Variants in BTG1 observed in about 807,000 individuals in gnomAD.
The protein encoded by BTG1 is BTG anti-proliferation factor 1.
BTG1 carries 2 observed loss-of-function variants against 15.2 expected under a neutral mutation model. That is an observed-to-expected ratio of 0.13 (90% CI 0.05 to 0.41). BTG1 has a LOEUF of 0.41. BTG1 is among the 10% of genes least tolerant of loss of function. The pLI is 0.99. For synonymous variants in BTG1, 109 were observed against 82.4 expected (o/e 1.32, Z -1.75); for missense variants, 149 against 215.0 (o/e 0.69, Z 1.92).
At position 92,144,001 on chromosome 12, in the gene BTG1, C is replaced by T. The variant is rs1870420584; in HGVS notation, c.*79G>A. 7.1e-6 allele frequency: 11 copies of T among 1,539,480 alleles called. No homozygotes were observed. The highest frequency in any genetic ancestry group is 9.7e-6 in the Non-Finnish European group (11 of 1,134,822). ...TGTGACATGGTTTAAATTCCATAATCCATCCCCAAGAGGAGCCCACCCAAA... is the reference window on the plus strand; with the variant it reads ...TGTGACATGGTTTAAATTCCATAATTCATCCCCAAGAGGAGCCCACCCAAA... On this transcript the variant is annotated 3_prime_UTR_variant, in exon 2 of 2. Coordinates refer to ENST00000256015, the MANE Select transcript of BTG1 (RefSeq NM_001731.3).
rs189424888 is a variant in BTG1, at chr12:92,143,904, T to C, written c.*176A>G. 50 of 670,360 alleles carry C rather than the reference T, an allele frequency of 7.5e-5. No individual in the cohort carries two copies. In the East Asian group the frequency reaches 1.4e-3, roughly 19 times the overall value. The allele number at this position is 670,360 out of a possible 1,614,324, so 41.5% of individuals were successfully genotyped here. A position where few individuals can be genotyped will look rare whatever the true frequency, so the allele number is the denominator to read the frequency against. ...TAAAATTAATCATTGAAAGGTACTGTCCAAACTATGGCACTGTCACTTAAA... is the reference window on the plus strand; with the variant it reads ...TAAAATTAATCATTGAAAGGTACTGCCCAAACTATGGCACTGTCACTTAAA... On this transcript the variant is annotated 3_prime_UTR_variant, in exon 2 of 2. Coordinates refer to ENST00000256015, the MANE Select transcript of BTG1 (RefSeq NM_001731.3).
chr12:92,145,674 G>GTCTT lies in BTG1; in HGVS notation c.-143_-140dup, dbSNP rs977023552. The GTCTT allele has an allele frequency of 3.9e-6, 2 of 512,066 alleles. No individual in the cohort carries two copies. The highest frequency in any genetic ancestry group is 3.8e-5 in the East Asian group (1 of 26,570). The allele number at this position is 512,066 out of a possible 1,614,324, so 31.7% of individuals were successfully genotyped here. On this transcript the variant is annotated 5_prime_UTR_variant, in exon 1 of 2. It removes the in-frame stop codon of an upstream open reading frame in the 5' UTR. Transcript: ENST00000256015. Reference sequence around the variant, plus strand: ...GCGTGAGGGGCGGACGACTACTTTTGTCTTTCTTTCTTTAGACTAAAAAAG... The same window carrying GTCTT: ...GCGTGAGGGGCGGACGACTACTTTTGTCTTTCTTTCTTTCTTTAGACTAAAAAAG...
At chr12:92,144,631 A>C (rs1327157087) in intron 1 of BTG1, among the ~76,000 whole-genome samples, 184 bp from the exon 2 acceptor site, 1 of 152,200 alleles carries the variant, frequency 6.6e-6, no homozygotes, top group Admixed American at 6.5e-5. Context: ...TTTTAGAAAT[A>C]ACACAGTAGT....
At chr12:92,144,547 A>C in intron 1 of BTG1, 100 bp from the exon 2 acceptor site, 2 of 1,478,486 alleles carry the variant, frequency 1.4e-6, no homozygotes, top group Non-Finnish European at 9.2e-7. Flanking sequence ...GAAAATGAAA[A>C]CTATCAACTT....
At position 92,140,791 on chromosome 12, in the gene BTG1, A is replaced by T. The variant is rs908231411; in HGVS notation, c.*3289T>A. 8.6e-6 allele frequency: 2 copies of T among 232,372 alleles called. No homozygotes were observed. Among genetic ancestry groups the T allele is most frequent in the Non-Finnish European group, 1.7e-5 (2 of 117,594 alleles). 14.4% of individuals were successfully genotyped at this position (232,372 alleles called of 1,614,324 possible). A position where few individuals can be genotyped will look rare whatever the true frequency, so the allele number is the denominator to read the frequency against. ...TCTGTATACCTTCAGATAAATAAGA[A>T]ATCTATTCAGTTTTAGACAATCCAA... On this transcript the variant is annotated 3_prime_UTR_variant, in exon 2 of 2. Transcript: ENST00000256015.
Position 92,143,121 on chromosome 12 carries a change from T to C in BTG1, c.*959A>G, listed in dbSNP as rs759887561. On this transcript the variant is annotated 3_prime_UTR_variant, in exon 2 of 2. Transcript: ENST00000256015. ...AAACCTCTATAATCATGACAAGAGATTGATTAAAATGCCAAGATAAGAAAC... is the reference window on the plus strand; with the variant it reads ...AAACCTCTATAATCATGACAAGAGACTGATTAAAATGCCAAGATAAGAAAC... 4.3e-5 allele frequency: 10 copies of C among 232,690 alleles called. No homozygotes were observed. Among genetic ancestry groups the C allele is most frequent in the Admixed American group, 1.1e-4 (2 of 17,780 alleles). 14.4% of individuals were successfully genotyped at this position (232,690 alleles called of 1,614,324 possible).
rs1870131900 is a variant in BTG1, at chr12:92,140,462, T to A, written c.*3618A>T. 1 of 227,346 alleles carries A rather than the reference T, an allele frequency of 4.4e-6. No homozygotes were observed. The highest frequency in any genetic ancestry group is 8.7e-6 in the Non-Finnish European group (1 of 114,590). 14.1% of individuals were successfully genotyped at this position (227,346 alleles called of 1,614,324 possible). A position where few individuals can be genotyped will look rare whatever the true frequency, so the allele number is the denominator to read the frequency against. ...TACTTGTTTAGGAGCATTTCAAAAA[T>A]ATAACACTTAACATCAGAAGAAAAT... is the stretch of plus-strand genomic sequence containing the variant. On this transcript the variant is annotated 3_prime_UTR_variant, in exon 2 of 2. Coordinates refer to ENST00000256015, the MANE Select transcript of BTG1 (RefSeq NM_001731.3).
At position 92,144,113 on chromosome 12, in the gene BTG1, G is replaced by C; in HGVS notation, c.483C>G (p.Ser161=). 6.2e-7 allele frequency: 1 copy of C among 1,613,090 alleles called. No individual in the cohort carries two copies. Among genetic ancestry groups the C allele is most frequent in the East Asian group, 2.2e-5 (1 of 44,886 alleles). Residue 161 remains serine (S), a synonymous_variant, in exon 2 of 2, where the codon TCC becomes TCG. Transcript: ENST00000256015. ...ATACAGTCATCATATTGTAGTTTTT[G>C]GAAGGGCTCGTTCTGCCCAAGAGAA... The part of the protein sequence containing the change: ...EELLLGRTSP[S]KNYNMMTVSG
At position 92,145,189 on chromosome 12, in the gene BTG1, G is replaced by A. The variant is rs554122404; in HGVS notation, c.148+199C>T. Reference sequence around the variant, plus strand: ...TCTCCGTTTTGCCAGCTGGGGGGAAGGGGGCGCCCTCCGTCCAGCCCCTAA... The same window carrying A: ...TCTCCGTTTTGCCAGCTGGGGGGAAAGGGGCGCCCTCCGTCCAGCCCCTAA... On this transcript the variant is annotated intron_variant, in intron 1 of 1. Coordinates refer to ENST00000256015, the MANE Select transcript of BTG1 (RefSeq NM_001731.3). 1.3e-4 allele frequency: 98 copies of A among 733,058 alleles called. 5 individuals carry two copies. In the South Asian group the frequency reaches 3.5e-3, roughly 26 times the overall value. The allele number at this position is 733,058 out of a possible 1,614,324, so 45.4% of individuals were successfully genotyped here. A position where few individuals can be genotyped will look rare whatever the true frequency, so the allele number is the denominator to read the frequency against.
At position 92,145,631 on chromosome 12, in the gene BTG1, G is replaced by T; in HGVS notation, c.-96C>A. The T allele has an allele frequency of 2.2e-6, 2 of 901,390 alleles. No individual in the cohort carries two copies. Among genetic ancestry groups the T allele is most frequent in the African/African-American group, 1.8e-5 (1 of 56,580 alleles). 55.8% of individuals were successfully genotyped at this position (901,390 alleles called of 1,614,324 possible). A position where few individuals can be genotyped will look rare whatever the true frequency, so the allele number is the denominator to read the frequency against. ...CCCCGGGCTTCCTCACCGGGCGGAAGGCTGAGAGGAAGAGAGGGCGTGAGG... is the reference window on the plus strand; with the variant it reads ...CCCCGGGCTTCCTCACCGGGCGGAATGCTGAGAGGAAGAGAGGGCGTGAGG... On this transcript the variant is annotated 5_prime_UTR_variant, in exon 1 of 2. Coordinates refer to ENST00000256015, the MANE Select transcript of BTG1 (RefSeq NM_001731.3).
rs1191746127 is a variant in BTG1, at chr12:92,145,828, T to C, written c.-293A>G. Reference sequence around the variant, plus strand: ...GCATTCGAAGATCTCAATAGCTGCATTTCCAGCTCCGAGAGGCGAAGAGAT... The same window carrying C: ...GCATTCGAAGATCTCAATAGCTGCACTTCCAGCTCCGAGAGGCGAAGAGAT... On this transcript the variant is annotated 5_prime_UTR_variant, in exon 1 of 2. An upstream start codon of the reference 5' UTR is lost. Transcript: ENST00000256015. 4.1e-6 allele frequency: 1 copy of C among 242,456 alleles called. No individual in the cohort carries two copies. Among genetic ancestry groups the C allele is most frequent in the Non-Finnish European group, 8.0e-6 (1 of 125,304 alleles). 15.0% of individuals were successfully genotyped at this position (242,456 alleles called of 1,614,324 possible).
At position 92,142,945 on chromosome 12, in the gene BTG1, T is replaced by C. The variant is rs1870345370; in HGVS notation, c.*1135A>G. ...GTCCATGTTTTGACTTTAGAAATTT[T>C]TAAAACATGCTACTCCTGTGTTTCC... On this transcript the variant is annotated 3_prime_UTR_variant, in exon 2 of 2. Coordinates refer to ENST00000256015, the MANE Select transcript of BTG1 (RefSeq NM_001731.3). 8.6e-6 allele frequency: 2 copies of C among 233,090 alleles called. No individual in the cohort carries two copies. Among genetic ancestry groups the C allele is most frequent in the East Asian group, 1.2e-4 (2 of 16,520 alleles). The allele number at this position is 233,090 out of a possible 1,614,324, so 14.4% of individuals were successfully genotyped here. A position where few individuals can be genotyped will look rare whatever the true frequency, so the allele number is the denominator to read the frequency against.
Position 92,141,449 on chromosome 12 carries a change from A to G in BTG1, c.*2631T>C, listed in dbSNP as rs980098983. On this transcript the variant is annotated 3_prime_UTR_variant, in exon 2 of 2. Coordinates refer to ENST00000256015, the MANE Select transcript of BTG1 (RefSeq NM_001731.3). ...GCACTACTTAAATTTGGAAAAAAGG[A>G]AATAATTTCAAAACTACCTGTTAAA... The G allele has an allele frequency of 5.6e-5, 13 of 231,992 alleles. No homozygotes were observed. The highest frequency in any genetic ancestry group is 1.3e-3 in the Middle Eastern group (1 of 778). 14.4% of individuals were successfully genotyped at this position (231,992 alleles called of 1,614,324 possible). A position where few individuals can be genotyped will look rare whatever the true frequency, so the allele number is the denominator to read the frequency against.
rs748548933 is a variant in BTG1 at position 92,142,896 on chromosome 12, ATGAGATCATTAGCC to A, written c.*1170_*1183del. ...TACCGTGGTCTCTTATCCTTATTTC[ATGAGATCATTAGCC>A]TGTGAATGTGTCCATGTTTTGACTT... On this transcript the variant is annotated 3_prime_UTR_variant, in exon 2 of 2. Transcript: ENST00000256015. 4.1e-4 allele frequency: 96 copies of A among 233,098 alleles called. No homozygotes were observed. Among genetic ancestry groups the A allele is most frequent in the Non-Finnish European group, 7.2e-4 (85 of 117,972 alleles). 14.4% of individuals were successfully genotyped at this position (233,098 alleles called of 1,614,324 possible). A position where few individuals can be genotyped will look rare whatever the true frequency, so the allele number is the denominator to read the frequency against.
chr12:92,143,228 T>G lies in BTG1; in HGVS notation c.*852A>C, dbSNP rs1236162876. ...TTTGCCACAATCAATATACATGAAC[T>G]GTACAAATTTACACCAGTTCATAAT... On this transcript the variant is annotated 3_prime_UTR_variant, in exon 2 of 2. Coordinates refer to ENST00000256015, the MANE Select transcript of BTG1 (RefSeq NM_001731.3). The G allele has an allele frequency of 4.3e-6, 1 of 232,960 alleles. No individual in the cohort carries two copies. The highest frequency in any genetic ancestry group is 8.5e-6 in the Non-Finnish European group (1 of 117,690). The allele number at this position is 232,960 out of a possible 1,614,324, so 14.4% of individuals were successfully genotyped here.
In BTG1 at chr12:92,141,888, A is replaced by T. The variant is rs1870251136; in HGVS notation, c.*2192T>A. 1 of 231,636 alleles carries T rather than the reference A, an allele frequency of 4.3e-6. No homozygotes were observed. The highest frequency in any genetic ancestry group is 5.7e-5 in the Admixed American group (1 of 17,696). 14.3% of individuals were successfully genotyped at this position (231,636 alleles called of 1,614,324 possible). On this transcript the variant is annotated 3_prime_UTR_variant, in exon 2 of 2. Transcript: ENST00000256015. Reference sequence around the variant, plus strand: ...CAAAAACAACTTTCCATTTGAAAAAAGGCTTTATGATAAAAAAAAAAAATG... The same window carrying T: ...CAAAAACAACTTTCCATTTGAAAAATGGCTTTATGATAAAAAAAAAAAATG...
chr12:92,145,612 G>T lies in BTG1; in HGVS notation c.-77C>A. 1.9e-6 allele frequency: 2 copies of T among 1,079,384 alleles called. No individual in the cohort carries two copies. Among genetic ancestry groups the T allele is most frequent in the Non-Finnish European group, 2.4e-6 (2 of 837,474 alleles). The allele number at this position is 1,079,384 out of a possible 1,614,324, so 66.9% of individuals were successfully genotyped here. On this transcript the variant is annotated 5_prime_UTR_variant, in exon 1 of 2. Transcript: ENST00000256015. ...CCCGACGGCGGAGCAGCCACCCCGG[G>T]CTTCCTCACCGGGCGGAAGGCTGAG...
rs1870517316 is a variant in BTG1 at position 92,145,371 on chromosome 12, G to A, written c.148+17C>T. On this transcript the variant is annotated intron_variant, in intron 1 of 1. Transcript: ENST00000256015. ...GATGTGGGGCCCGCGTCCCTCCGACGCCCTCGCCCTGCTCACCTGCCAGCA... is the reference window on the plus strand; with the variant it reads ...GATGTGGGGCCCGCGTCCCTCCGACACCCTCGCCCTGCTCACCTGCCAGCA... 2 of 1,533,668 alleles carry A rather than the reference G, an allele frequency of 1.3e-6. No homozygotes were observed. Among genetic ancestry groups the A allele is most frequent in the South Asian group, 2.4e-5 (2 of 83,602 alleles).
At position 92,143,738 on chromosome 12, in the gene BTG1, C is replaced by A; in HGVS notation, c.*342G>T. On this transcript the variant is annotated 3_prime_UTR_variant, in exon 2 of 2. Coordinates refer to ENST00000256015, the MANE Select transcript of BTG1 (RefSeq NM_001731.3). ...GCAAATTCCCCTGCGAGATTTACTG[C>A]AGAGAAAGATTCTTTGAAATACAGA... 3.5e-6 allele frequency: 1 copy of A among 287,856 alleles called. No homozygotes were observed. The highest frequency in any genetic ancestry group is 7.1e-5 in the South Asian group (1 of 13,998). 17.8% of individuals were successfully genotyped at this position (287,856 alleles called of 1,614,324 possible). A position where few individuals can be genotyped will look rare whatever the true frequency, so the allele number is the denominator to read the frequency against.
Sources: gnomAD v4.1 joint callset for allele counts (sites outside exome capture counted in the v4.1 genomes callset) on GRCh38, gnomAD v4.1.1 for gene constraint, MANE v1.5 for transcripts, NCBI Gene and HGNC (gene_info 2026-07-23, HGNC 2026-07-21) for gene names.